The following THSD7A variants were observed in gnomAD, a reference collection of about 807,000 sequenced individuals.
THSD7A encodes the protein thrombospondin type-1 domain-containing protein 7A.
A neutral mutation model predicts 231.3 loss-of-function variants in THSD7A; 96 were observed. The ratio of observed to expected loss-of-function variants is 0.41; its 90% CI spans 0.35 to 0.49. The LOEUF (loss-of-function observed/expected upper bound fraction) is 0.49, where lower values mean the gene tolerates loss of function less well. Among genes scored for constraint, THSD7A ranks in the 20% least tolerant of loss-of-function variants. THSD7A has a pLI of 0.05. For synonymous variants in THSD7A, 940 were observed against 743.3 expected (o/e 1.26, Z -4.30); for missense variants, 2,290 against 2,070.2 (o/e 1.11, Z -2.06).
chr7:11,407,768 G>C (rs181681012), intron 19 of THSD7A, among the ~76,000 whole-genome samples: 134 of 152,102 alleles, frequency 8.8e-4, no homozygotes, highest in African/African-American at 2.7e-3. Flanking sequence ...CTTTCCATTA[G>C]GTAAAAACTA....
At position 11,373,240 on chromosome 7, in the gene THSD7A, T is replaced by C. The variant is rs1782129562; in HGVS notation, c.*2554A>G. 1 of 152,070 alleles carries C rather than the reference T, an allele frequency of 6.6e-6. No individual in the cohort carries two copies. Among genetic ancestry groups the C allele is most frequent in the Non-Finnish European group, 1.5e-5 (1 of 67,982 alleles). 9.4% of individuals were successfully genotyped at this position (152,070 alleles called of 1,614,324 possible). A position where few individuals can be genotyped will look rare whatever the true frequency, so the allele number is the denominator to read the frequency against. On this transcript the variant is annotated 3_prime_UTR_variant, in exon 28 of 28. Coordinates refer to ENST00000423059, the MANE Select transcript of THSD7A (RefSeq NM_015204.3). Reference sequence around the variant, plus strand: ...ATGACATTTTACAATACCTTAAATATAGCTTTAGTAGGTATTCTATCCCAC... The same window carrying C: ...ATGACATTTTACAATACCTTAAATACAGCTTTAGTAGGTATTCTATCCCAC...
At chr7:11,544,313 G>C (rs1237444614) in intron 4 of THSD7A, among the ~76,000 whole-genome samples, 1 of 152,056 alleles carries the variant, frequency 6.6e-6, no homozygotes, top group Non-Finnish European at 1.5e-5. Context: ...CTGCACTCCA[G>C]CCTGGCAACA....
chr7:11,503,154 G>A (rs1007241949), intron 6 of THSD7A, among the ~76,000 whole-genome samples: 4 of 152,076 alleles, frequency 2.6e-5, no homozygotes, highest in African/African-American at 4.8e-5. Flanking sequence ...CAGAAATAAG[G>A]TTGCACATCT....
chr7:11,430,693 G>A (rs1562603727), intron 13 of THSD7A, among the ~76,000 whole-genome samples: 1 of 152,128 alleles, frequency 6.6e-6, no homozygotes, highest in East Asian at 1.9e-4. Context: ...AGGTTGGTCT[G>A]GAACTTCTGG....
intron 23 of THSD7A, among the ~76,000 whole-genome samples, chr7:11,392,852 G>A (rs904059082): frequency 2.0e-5 from 3 of 152,304 alleles, no homozygotes; most frequent in Middle Eastern, 3.4e-3. Context: ...CCCTGAGCAG[G>A]GCATCTCTGA....
chr7:11,816,464 G>C (rs1383772064), intron 1 of THSD7A, among the ~76,000 whole-genome samples: 2 of 152,198 alleles, frequency 1.3e-5, no homozygotes, highest in East Asian at 1.9e-4. Flanking sequence ...AGTGTTCATG[G>C]ATATGCTGGC....
intron 1 of THSD7A, among the ~76,000 whole-genome samples, chr7:11,739,571 AATTTTTTTTTAAATTTGT>A (rs1208756548): frequency 6.6e-6 from 1 of 151,816 alleles, no homozygotes; most frequent in Non-Finnish European, 1.5e-5. Flanking sequence ...CTTTCTTTAA[AATTTTTTTTTAAATTTGT>A]ATTTTTTTTT....
chr7:11,607,630 T>G (rs1780778021), intron 2 of THSD7A, among the ~76,000 whole-genome samples: 1 of 152,142 alleles, frequency 6.6e-6, no homozygotes, highest in Non-Finnish European at 1.5e-5. Context: ...TATTTATTTA[T>G]TTATTCATTT....
chr7:11,431,176 T>G (rs1390893581), intron 13 of THSD7A, among the ~76,000 whole-genome samples: 4 of 152,196 alleles, frequency 2.6e-5, no homozygotes, highest in Non-Finnish European at 5.9e-5. Flanking sequence ...AATTTTGGTG[T>G]TGTTTGAAGA....
In THSD7A at chr7:11,723,253, A is replaced by C. The variant is rs1001905215; in HGVS notation, c.191-86292T>G. 3.4e-5 allele frequency among the ~76,000 whole-genome samples: 5 copies of C among 148,882 alleles called. 1 individual carries two copies. In the East Asian group the frequency reaches 6.3e-4, roughly 19 times the overall value. On this transcript the variant is annotated intron_variant, in intron 1 of 27. Transcript: ENST00000423059. ...AAAAACCAAACACCGCATGTCCTCA[A>C]TCATAGGTGGGAATTGAACAATGAG...
chr7:11,418,616 T>G (rs1163977560), intron 16 of THSD7A, among the ~76,000 whole-genome samples: 3 of 152,186 alleles, frequency 2.0e-5, no homozygotes, highest in Admixed American at 6.5e-5. Context: ...CAGTGATACC[T>G]GGAATCCCAA....
intron 1 of THSD7A, among the ~76,000 whole-genome samples, chr7:11,771,947 C>A (rs956959019): frequency 2.6e-5 from 4 of 152,156 alleles, no homozygotes; most frequent in African/African-American, 9.7e-5. Context: ...TGTGTGTGCT[C>A]TCCTTTCACC....
intron 6 of THSD7A, among the ~76,000 whole-genome samples, chr7:11,492,468 A>G (rs1046312224): frequency 6.6e-6 from 1 of 152,096 alleles, no homozygotes; most frequent in African/African-American, 2.4e-5. Context: ...ACTATATTTG[A>G]CTTTGGAATC....
At chr7:11,388,284 C>T (rs777926741) in intron 23 of THSD7A, among the ~76,000 whole-genome samples, 6 of 151,910 alleles carry the variant, frequency 3.9e-5, no homozygotes, top group Non-Finnish European at 7.4e-5. Flanking sequence ...AGCTTCTCTT[C>T]GTACCTCTGG....
chr7:11,783,038 G>T (rs1376669173), intron 1 of THSD7A, among the ~76,000 whole-genome samples: 1 of 152,134 alleles, frequency 6.6e-6, no homozygotes, highest in Non-Finnish European at 1.5e-5. Context: ...AACATTGGTA[G>T]AAAGGTGGGG....
At chr7:11,558,232 T>A (rs1262133611) in intron 4 of THSD7A, among the ~76,000 whole-genome samples, 1 of 152,178 alleles carries the variant, frequency 6.6e-6, no homozygotes, top group East Asian at 1.9e-4. Context: ...AAAGTCTTTT[T>A]ATGGTTTGTT....
intron 17 of THSD7A, chr7:11,414,122 T>C (rs1299654989): frequency 6.6e-6 from 1 of 152,244 alleles, no homozygotes; most frequent in Non-Finnish European, 1.5e-5. Flanking sequence ...AAGAACCCCA[T>C]GGGTGGTTAC....
chr7:11,655,039 A>G, intron 1 of THSD7A, among the ~76,000 whole-genome samples: 2 of 151,988 alleles, frequency 1.3e-5, no homozygotes, highest in South Asian at 2.1e-4. Context: ...AGTTAAATAC[A>G]GGTAATACAG....
At chr7:11,386,064 G>A (rs1782730060) in intron 23 of THSD7A, among the ~76,000 whole-genome samples, 1 of 152,134 alleles carries the variant, frequency 6.6e-6, no homozygotes, top group Non-Finnish European at 1.5e-5. Flanking sequence ...TTTTATGGAT[G>A]TATAATATTC....
Sources: gnomAD v4.1 joint callset for allele counts (sites outside exome capture counted in the v4.1 genomes callset) on GRCh38, gnomAD v4.1.1 for gene constraint, MANE v1.5 for transcripts, NCBI Gene and HGNC (gene_info 2026-07-23, HGNC 2026-07-21) for gene names.